Variants in MACROD2 observed in about 807,000 individuals in gnomAD.
MACROD2 encodes mono-ADP ribosylhydrolase 2.
A neutral mutation model predicts 70.4 loss-of-function variants in MACROD2; 36 were observed. The observed-to-expected ratio is 0.51, with a 90% CI of 0.39 to 0.68. MACROD2 has a LOEUF of 0.68. Ranked by LOEUF, MACROD2 falls within the 30% of genes least tolerant of loss-of-function variation. The probability of loss-of-function intolerance (pLI) is 0.00; values close to 1 mark genes in which losing one functional copy is unlikely to be tolerated. For synonymous variants in MACROD2, 172 were observed against 178.8 expected (o/e 0.96, Z 0.30); for missense variants, 496 against 538.4 (o/e 0.92, Z 0.78).
chr20:15,661,369 A>G (rs6110710), intron 8 of MACROD2, among the ~76,000 whole-genome samples: 17,060 of 152,190 alleles, frequency 0.11, 1,377 homozygotes, highest in East Asian at 0.37. Flanking sequence ...GAATCAAAAC[A>G]TGATGGAGAA....
chr20:14,136,032 A>G (rs560700296), intron 3 of MACROD2, among the ~76,000 whole-genome samples: 72 of 152,352 alleles, frequency 4.7e-4, no homozygotes, highest in African/African-American at 1.7e-3. Flanking sequence ...ATGGAAGGAC[A>G]TAAGTAAAAT....
intron 8 of MACROD2, among the ~76,000 whole-genome samples, chr20:15,624,075 G>A (rs2049167612): frequency 6.6e-6 from 1 of 152,160 alleles, no homozygotes; most frequent in South Asian, 2.1e-4. Flanking sequence ...AGCCAACAGT[G>A]CAGCCTTCAG....
intron 17 of MACROD2, 44 bp downstream of exon 17, chr20:16,044,683 A>G (rs763801631): frequency 3.9e-6 from 6 of 1,551,468 alleles, no homozygotes; most frequent in Middle Eastern, 1.7e-4. Context: ...TCAACCAGCC[A>G]TAAGAACTAT....
At chr20:15,092,349 A>G (rs1438675950) in intron 5 of MACROD2, among the ~76,000 whole-genome samples, 1 of 149,998 alleles carries the variant, frequency 6.7e-6, no homozygotes, top group African/African-American at 2.4e-5. Context: ...AATATGTTTA[A>G]GTATAATAAA....
intron 3 of MACROD2, among the ~76,000 whole-genome samples, chr20:14,133,860 G>C (rs1219478193): frequency 1.3e-5 from 2 of 152,200 alleles, no homozygotes; most frequent in Admixed American, 1.3e-4. Flanking sequence ...CTCAGCTGCA[G>C]GGCGCCAACT....
intron 8 of MACROD2, among the ~76,000 whole-genome samples, chr20:15,641,771 T>G (rs2146775528): frequency 6.6e-6 from 1 of 152,300 alleles, no homozygotes; most frequent in Non-Finnish European, 1.5e-5. Context: ...TTTATTATAA[T>G]TTTTTTATAC....
chr20:15,171,619 TTCTC>T (rs140704505), intron 5 of MACROD2, among the ~76,000 whole-genome samples: 1 of 151,696 alleles, frequency 6.6e-6, no homozygotes, highest in Non-Finnish European at 1.5e-5. Flanking sequence ...TCAGTCTCTC[TTCTC>T]TCTCTCTCTC....
rs2067304324 is a variant in MACROD2, at chr20:16,041,280, T to G, written c.1231+2T>G. The G allele has an allele frequency of 6.2e-7, 1 of 1,611,056 alleles. No individual in the cohort carries two copies. ...TAGAAAATACTCCAGGTCCTGATGG[T>G]AAGGTTCTGAGCTATTGGAGCCCAT... On this transcript the variant is annotated splice_donor_variant, in intron 16 of 17. Coordinates refer to ENST00000684519, the MANE Select transcript of MACROD2 (RefSeq NM_001351661.2). LOFTEE classifies it high-confidence loss of function.
At chr20:15,792,616 G>A (rs1006445740) in intron 8 of MACROD2, among the ~76,000 whole-genome samples, 1 of 152,124 alleles carries the variant, frequency 6.6e-6, no homozygotes, top group Admixed American at 6.6e-5. Flanking sequence ...GAGATGTCAT[G>A]TTTTAATCAA....
chr20:15,458,641 A>ATTTTTTTTTT (rs1568823473), intron 7 of MACROD2, among the ~76,000 whole-genome samples: 2 of 128,750 alleles, frequency 1.6e-5, no homozygotes, highest in Non-Finnish European at 1.7e-5. Context: ...TTTTTTTTTA[A>ATTTTTTTTTT]AAAAAAAAAA....
chr20:15,915,366 G>C (rs541790086), intron 10 of MACROD2, among the ~76,000 whole-genome samples: 7 of 152,140 alleles, frequency 4.6e-5, no homozygotes, highest in African/African-American at 1.7e-4. Flanking sequence ...AACAAAAGAT[G>C]CTCTTATCAC....
chr20:15,544,542 G>A (rs1339121180), intron 8 of MACROD2, among the ~76,000 whole-genome samples: 2 of 152,168 alleles, frequency 1.3e-5, no homozygotes, highest in Non-Finnish European at 2.9e-5. Flanking sequence ...ATTCACCTGC[G>A]AGGAGAGTCA....
intron 5 of MACROD2, among the ~76,000 whole-genome samples, chr20:14,994,180 T>A (rs964230386): frequency 6.6e-6 from 1 of 152,124 alleles, no homozygotes; most frequent in African/African-American, 2.4e-5. Context: ...CATATAATAT[T>A]TTTTCTTAGC....
chr20:14,873,279 A>G (rs2073510838), intron 5 of MACROD2, among the ~76,000 whole-genome samples: 1 of 152,144 alleles, frequency 6.6e-6, no homozygotes, highest in Non-Finnish European at 1.5e-5. Context: ...CTTTCTACTC[A>G]TAAGAACCCC....
At chr20:15,436,780 A>C (rs2046433066) in intron 7 of MACROD2, among the ~76,000 whole-genome samples, 1 of 152,168 alleles carries the variant, frequency 6.6e-6, no homozygotes, top group Non-Finnish European at 1.5e-5. Context: ...CCATAGCTGA[A>C]AAGAAAAATT....
chr20:15,056,404 A>G lies in MACROD2; in HGVS notation c.419-173536A>G, dbSNP rs572450023. On this transcript the variant is annotated intron_variant, in intron 5 of 17. Transcript: ENST00000684519. Reference sequence around the variant, plus strand: ...AGAGCTCCCGGCGAGACTCCTGTTAACTAGACTGATGAGTTTTTTGACTAA... The same window carrying G: ...AGAGCTCCCGGCGAGACTCCTGTTAGCTAGACTGATGAGTTTTTTGACTAA... 6.6e-4 allele frequency among the ~76,000 whole-genome samples: 100 copies of G among 152,286 alleles called. 1 individual carries two copies. Among genetic ancestry groups the G allele is most frequent in the Middle Eastern group, 3.4e-3 (1 of 294 alleles).
chr20:15,612,699 C>G (rs931876339), intron 8 of MACROD2, among the ~76,000 whole-genome samples: 1 of 152,200 alleles, frequency 6.6e-6, no homozygotes, highest in Non-Finnish European at 1.5e-5. Flanking sequence ...GAAACGATGG[C>G]TCTGTTGTTT....
intron 5 of MACROD2, among the ~76,000 whole-genome samples, chr20:14,836,687 A>T (rs187607244): frequency 6.6e-6 from 1 of 152,072 alleles, no homozygotes; most frequent in Non-Finnish European, 1.5e-5. Flanking sequence ...CCTTGCTCCC[A>T]TCTTGAGGAT....
At chr20:15,714,005 A>ATG (rs1568989203) in intron 8 of MACROD2, among the ~76,000 whole-genome samples, 4 of 150,778 alleles carry the variant, frequency 2.7e-5, no homozygotes, top group African/African-American at 9.9e-5. Flanking sequence ...ACACACACAC[A>ATG]CACACACACA....
Sources: allele counts gnomAD v4.1 joint callset (sites outside exome capture counted in the v4.1 genomes callset), GRCh38; gene constraint gnomAD v4.1.1; transcripts MANE v1.5; gene names NCBI Gene and HGNC (gene_info 2026-07-23, HGNC 2026-07-21).